RHOA: variants seen among roughly 807,000 people sequenced by gnomAD.
RHOA encodes ras homolog family member A.
A neutral mutation model predicts 17.5 loss-of-function variants in RHOA; 3 were observed. That is an observed-to-expected ratio of 0.17 (90% CI 0.08 to 0.44). The LOEUF (loss-of-function observed/expected upper bound fraction) is 0.44, where lower values mean the gene tolerates loss of function less well. Ranked by LOEUF, RHOA falls within the 20% of genes least tolerant of loss-of-function variation. RHOA has a pLI of 0.99. For missense variants in RHOA, 56 were observed against 242.3 expected, an observed-to-expected ratio of 0.23 and a Z score of 5.10; for synonymous variants, 98 against 88.4, an observed-to-expected ratio of 1.11 and a Z score of -0.61.
intron 1 of RHOA, among the ~76,000 whole-genome samples, chr3:49,404,433 A>AACATACACACACACACACACACAC (rs1553636258): frequency 1.1e-5 from 1 of 90,768 alleles, no homozygotes; most frequent in Non-Finnish European, 2.1e-5. Context: ...TCTCTAGTAA[A>AACATACACACACACACACACACAC]ACACACACAC....
At chr3:49,367,396 G>A (rs1242418924) in intron 3 of RHOA, among the ~76,000 whole-genome samples, 1 of 145,186 alleles carries the variant, frequency 6.9e-6, no homozygotes, top group East Asian at 2.2e-4. Flanking sequence ...TCTGAATTAT[G>A]TGGCTGTGTT....
intron 1 of RHOA, among the ~76,000 whole-genome samples, chr3:49,405,024 G>C (rs1213397672): frequency 6.6e-6 from 1 of 151,218 alleles, no homozygotes; most frequent in Non-Finnish European, 1.5e-5. Context: ...GAGGCAGGCA[G>C]ATCACCTGAG....
At chr3:49,384,514 ATTTTT>A (rs962336401) in intron 1 of RHOA, among the ~76,000 whole-genome samples, 34 of 147,214 alleles carry the variant, frequency 2.3e-4, no homozygotes, top group African/African-American at 7.9e-4. Context: ...ACAACTTTTA[ATTTTT>A]TTTTTTTGAG....
At position 49,365,499 on chromosome 3, in the gene RHOA, T is replaced by C. The variant is rs570415751; in HGVS notation, c.278-2873A>G. On this transcript the variant is annotated intron_variant, in intron 3 of 4. Transcript: ENST00000418115. Reference sequence around the variant, plus strand: ...GTTATTTCCTGAATATGTGAAATTATACCAATAGTCTACCCCCTTCCTGGA... The same window carrying C: ...GTTATTTCCTGAATATGTGAAATTACACCAATAGTCTACCCCCTTCCTGGA... Among the ~76,000 whole-genome samples the C allele has an allele frequency of 5.9e-5, 9 of 152,112 alleles. No homozygotes were observed. The South Asian group carries it at 1.2e-3, about 21-fold the overall frequency.
At chr3:49,382,719 C>G (rs372429870) in intron 1 of RHOA, among the ~76,000 whole-genome samples, 1 of 152,108 alleles carries the variant, frequency 6.6e-6, no homozygotes, top group African/African-American at 2.4e-5. Flanking sequence ...CAACCAGGAC[C>G]CTATGGGATG....
chr3:49,383,500 C>T (rs1232056362), intron 1 of RHOA, among the ~76,000 whole-genome samples: 2 of 151,756 alleles, frequency 1.3e-5, no homozygotes, highest in East Asian at 3.9e-4. Context: ...TGACTTAAAT[C>T]TTCTGTTATG....
At position 49,411,389 on chromosome 3, in the gene RHOA, C is replaced by G. The variant is rs2048932286; in HGVS notation, c.-3+431G>C. Reference sequence around the variant, plus strand: ...GTCGTTTCTCGTTAAACGTAAAAAGCAAAATGGAGTTGTAAAGAGTTTCTT... The same window carrying G: ...GTCGTTTCTCGTTAAACGTAAAAAGGAAAATGGAGTTGTAAAGAGTTTCTT... On this transcript the variant is annotated intron_variant, in intron 1 of 4. Coordinates refer to ENST00000418115, the MANE Select transcript of RHOA (RefSeq NM_001664.4). Among the ~76,000 whole-genome samples the G allele has an allele frequency of 3.3e-5, 5 of 152,232 alleles. No homozygotes were observed. In the South Asian group the frequency reaches 1.0e-3, roughly 31 times the overall value.
intron 1 of RHOA, among the ~76,000 whole-genome samples, chr3:49,393,557 C>T (rs1057225269): frequency 2.6e-5 from 4 of 151,126 alleles, no homozygotes; most frequent in Middle Eastern, 3.2e-3. Flanking sequence ...CTTGGCCTCC[C>T]AAAGTGCTCA....
At chr3:49,368,801 G>A (rs1333163227) in intron 2 of RHOA, among the ~76,000 whole-genome samples, 6 of 146,984 alleles carry the variant, frequency 4.1e-5, no homozygotes, top group East Asian at 2.0e-4. Context: ...TCCGTCTCCC[G>A]GGTTCACACC....
chr3:49,408,079 G>A (rs2048864628), intron 1 of RHOA, among the ~76,000 whole-genome samples: 1 of 151,806 alleles, frequency 6.6e-6, no homozygotes, highest in Admixed American at 6.6e-5. Flanking sequence ...AGAATCACTT[G>A]AACTAGGAGG....
At chr3:49,378,421 A>G (rs1354397392) in intron 1 of RHOA, among the ~76,000 whole-genome samples, 2 of 151,226 alleles carry the variant, frequency 1.3e-5, no homozygotes, top group Non-Finnish European at 2.9e-5. Flanking sequence ...TAATTTTTGT[A>G]TTTTTGGCAG....
intron 1 of RHOA, among the ~76,000 whole-genome samples, chr3:49,383,757 C>G (rs538884497): frequency 6.6e-6 from 1 of 152,014 alleles, no homozygotes; most frequent in African/African-American, 2.4e-5. Context: ...CAGCCAGGCA[C>G]GGTGGCTCAC....
chr3:49,397,309 G>A (rs745861191), intron 1 of RHOA, among the ~76,000 whole-genome samples: 2 of 152,108 alleles, frequency 1.3e-5, no homozygotes, highest in East Asian at 1.9e-4. Context: ...AAGGCTGGGC[G>A]TGGTGATAGG....
rs547451023 is a variant in RHOA, at chr3:49,361,091, A to C, written c.409-709T>G. 4.0e-3 allele frequency: 699 copies of C among 174,986 alleles called. 6 individuals carry two copies. Among genetic ancestry groups the C allele is most frequent in the Non-Finnish European group, 6.4e-3 (506 of 79,506 alleles). The allele number at this position is 174,986 out of a possible 1,614,324, so 10.8% of individuals were successfully genotyped here. A position where few individuals can be genotyped will look rare whatever the true frequency, so the allele number is the denominator to read the frequency against. On this transcript the variant is annotated intron_variant, in intron 4 of 4. Transcript: ENST00000418115. ...CCTTCTCAAAAAAAACAAAACAAAA[A>C]AAAAAAACAACAAACTGCTAAACTT...
At chr3:49,369,006 C>CTTTTTTTTTTTTTTTTTTTTTTTTTT (rs1160140765) in intron 2 of RHOA, among the ~76,000 whole-genome samples, 1 of 59,706 alleles carries the variant, frequency 1.7e-5, no homozygotes, top group African/African-American at 7.7e-5. Flanking sequence ...CGCGCCTGGC[C>CTTTTTTTTTTTTTTTTTTTTTTTTTT]TTTTTTTTTT....
chr3:49,403,695 A>G (rs2107905140), intron 1 of RHOA, among the ~76,000 whole-genome samples: 1 of 152,324 alleles, frequency 6.6e-6, no homozygotes, highest in African/African-American at 2.4e-5. Flanking sequence ...ACTGCACTTC[A>G]GCTGGGTGAC....
At chr3:49,368,980 T>A (rs1040826724) in intron 2 of RHOA, among the ~76,000 whole-genome samples, 5 of 144,976 alleles carry the variant, frequency 3.4e-5, no homozygotes, top group African/African-American at 1.0e-4. Flanking sequence ...GTGTTGGGAT[T>A]GCAGGCGTGA....
chr3:49,398,743 G>A (rs2048661978), intron 1 of RHOA, among the ~76,000 whole-genome samples: 2 of 149,672 alleles, frequency 1.3e-5, no homozygotes, highest in South Asian at 4.2e-4. Flanking sequence ...TGGAGGCTGA[G>A]GCAGGAGAAC....
intron 3 of RHOA, 133 bp from the exon 4 acceptor site, chr3:49,362,759 T>C: frequency 1.4e-6 from 1 of 716,562 alleles, no homozygotes; most frequent in Admixed American, 2.6e-5. Context: ...TGAAACTCAC[T>C]AGTTTCAAAA....
Sources: gnomAD v4.1 joint callset for allele counts (sites outside exome capture counted in the v4.1 genomes callset) on GRCh38, gnomAD v4.1.1 for gene constraint, MANE v1.5 for transcripts, NCBI Gene and HGNC (gene_info 2026-07-23, HGNC 2026-07-21) for gene names.